DHRSX: variants seen among roughly 807,000 people sequenced by gnomAD.
DHRSX encodes polyprenol dehydrogenase.
A neutral mutation model predicts 34.0 loss-of-function variants in DHRSX; 31 were observed. That is an observed-to-expected ratio of 0.91 (90% confidence interval 0.69 to 1.23). DHRSX has a LOEUF of 1.23. DHRSX is among the 50% of genes most tolerant of loss of function. The pLI, the probability that DHRSX is intolerant of heterozygous loss-of-function variation, is 0.00. For synonymous variants in DHRSX, 201 were observed against 183.8 expected (o/e 1.09, Z -0.76); for missense variants, 414 against 428.1 (o/e 0.97, Z 0.29).
intron 1 of DHRSX, among the ~76,000 whole-genome samples, chrX:2,480,241 G>A (rs1255949664): frequency 1.3e-5 from 2 of 151,450 alleles, no homozygotes; most frequent in African/African-American, 4.8e-5. Flanking sequence ...AAGATACAAT[G>A]TGAAGTGAAA....
At chrX:2,436,951 A>G (rs1349395816) in intron 1 of DHRSX, among the ~76,000 whole-genome samples, 1 of 151,918 alleles carries the variant, frequency 6.6e-6, no homozygotes, top group Non-Finnish European at 1.5e-5. Flanking sequence ...CTCCTCCATC[A>G]AAGAGGTTCC....
At chrX:2,269,434 C>T (rs1005688000) in intron 4 of DHRSX, among the ~76,000 whole-genome samples, 11 of 152,134 alleles carry the variant, frequency 7.2e-5, no homozygotes, top group African/African-American at 2.7e-4. Context: ...TAGCATTTCT[C>T]TACTTATTTG....
rs776399338 is a variant in DHRSX at position 2,384,102 on chromosome X, A to G, written c.286+24643T>C. Among the ~76,000 whole-genome samples the G allele has an allele frequency of 1.0e-3, 156 of 152,262 alleles. 1 individual carries two copies. The highest frequency in any genetic ancestry group is 3.6e-3 in the African/African-American group (149 of 41,556). ...GGGATAGGTGTGACCTGCTGTAGGG[A>G]GTGATACCGAAAATGACGGAGTGTT... is the stretch of plus-strand genomic sequence containing the variant. On this transcript the variant is annotated intron_variant, in intron 3 of 6. Transcript: ENST00000334651.
At chrX:2,251,960 G>A (rs2016444086) in intron 5 of DHRSX, among the ~76,000 whole-genome samples, 4 of 152,114 alleles carry the variant, frequency 2.6e-5, no homozygotes, top group Non-Finnish European at 2.9e-5. Flanking sequence ...AGAATTGGCT[G>A]GGTATGGTGG....
At chrX:2,426,014 T>A (rs2043842236) in intron 1 of DHRSX, among the ~76,000 whole-genome samples, 1 of 151,974 alleles carries the variant, frequency 6.6e-6, no homozygotes. Flanking sequence ...GAGAGTGACG[T>A]GGAATATGCA....
intron 3 of DHRSX, among the ~76,000 whole-genome samples, chrX:2,387,998 C>A (rs955964647): frequency 1.2e-4 from 18 of 150,944 alleles, no homozygotes; most frequent in Non-Finnish European, 1.3e-4. Context: ...AGGAGCCTGG[C>A]TCACTCCTGA....
Position 2,425,200 on chromosome X carries a change from T to G in DHRSX, c.214A>C (p.Ile72Leu). 6.2e-7 allele frequency: 1 copy of G among 1,611,220 alleles called. No individual in the cohort carries two copies. The highest frequency in any genetic ancestry group is 1.1e-5 in the South Asian group (1 of 90,884). ...HLARLGMHVI[I>L]AGNNDSKAKQ... ...AAGTAACTGTAAAAGTCATCACCTA[T>G]GATAACATGCATGCCAAGTCTCGCC... is the stretch of plus-strand genomic sequence containing the variant. Residue 72 changes from isoleucine (I) to leucine (L), a missense_variant, in exon 2 of 7, where the codon ATA becomes CTA. Coordinates refer to ENST00000334651, the MANE Select transcript of DHRSX (RefSeq NM_145177.3).
At chrX:2,413,198 AAAAG>A (rs2043653233) in intron 2 of DHRSX, among the ~76,000 whole-genome samples, 1 of 152,206 alleles carries the variant, frequency 6.6e-6, no homozygotes, top group Admixed American at 6.6e-5. Context: ...CATCTCAAAA[AAAAG>A]AAAGAAAGAA....
intron 5 of DHRSX, among the ~76,000 whole-genome samples, chrX:2,260,936 G>A (rs531987581): frequency 2.0e-5 from 3 of 152,244 alleles, no homozygotes; most frequent in South Asian, 2.1e-4. Flanking sequence ...GTGGTCGGGT[G>A]TGGTGGCTCA....
chrX:2,446,712 T>TACACACTGAAGACGG (rs2044141946), intron 1 of DHRSX, among the ~76,000 whole-genome samples: 1 of 135,974 alleles, frequency 7.4e-6, no homozygotes, highest in African/African-American at 2.9e-5. Context: ...ACTGAAGATG[T>TACACACTGAAGACGG]TCCCTAAGAA....
chrX:2,445,018 C>G (rs778588853), intron 1 of DHRSX, among the ~76,000 whole-genome samples: 10 of 151,926 alleles, frequency 6.6e-5, no homozygotes, highest in Middle Eastern at 3.4e-3. Flanking sequence ...TTAGCTGGGC[C>G]TGGTGGCGGA....
At chrX:2,352,658 ACT>A (rs2042802130) in intron 3 of DHRSX, among the ~76,000 whole-genome samples, 1 of 152,116 alleles carries the variant, frequency 6.6e-6, no homozygotes, top group African/African-American at 2.4e-5. Flanking sequence ...CAGGGTGGAA[ACT>A]CTTTGGGGTG....
intron 1 of DHRSX, among the ~76,000 whole-genome samples, chrX:2,439,148 C>CA (rs781530860): frequency 0.19 from 19,998 of 104,032 alleles, 1,556 homozygotes; most frequent in Middle Eastern, 0.26. Context: ...TTTTTTGTCT[C>CA]AAAAAAAAAA....
intron 3 of DHRSX, among the ~76,000 whole-genome samples, chrX:2,297,201 C>T (rs1302547408): frequency 1.3e-5 from 2 of 152,254 alleles, no homozygotes; most frequent in African/African-American, 4.8e-5. Context: ...GGGCTCACTG[C>T]AGCCTCCACC....
intron 1 of DHRSX, among the ~76,000 whole-genome samples, chrX:2,440,888 G>C (rs981417910): frequency 1.3e-5 from 2 of 152,090 alleles, no homozygotes; most frequent in Non-Finnish European, 2.9e-5. Flanking sequence ...AGTCCTATTC[G>C]TTCTGTCCCT....
At position 2,372,121 on chromosome X, in the gene DHRSX, T is replaced by C. The variant is rs776875705; in HGVS notation, c.286+36624A>G. ...TTTCTTGAGGCTCGGGTTTCTTCTTTCTTTGCTACAAACTCCCAGGGCTAC... is the reference window on the plus strand; with the variant it reads ...TTTCTTGAGGCTCGGGTTTCTTCTTCCTTTGCTACAAACTCCCAGGGCTAC... On this transcript the variant is annotated intron_variant, in intron 3 of 6. Transcript: ENST00000334651. Among the ~76,000 whole-genome samples, 17 of 152,302 alleles carry C rather than the reference T, an allele frequency of 1.1e-4. No individual in the cohort carries two copies. The South Asian group carries it at 2.7e-3, about 24-fold the overall frequency.
intron 5 of DHRSX, among the ~76,000 whole-genome samples, chrX:2,246,708 G>GAAAGAAAA (rs2016297617): frequency 1.2e-5 from 1 of 82,238 alleles, no homozygotes; most frequent in African/African-American, 4.1e-5. Context: ...GAAAGAAAGA[G>GAAAGAAAA]AAAGAAAGAA....
chrX:2,259,375 GATAT>G (rs34123441), intron 5 of DHRSX, among the ~76,000 whole-genome samples: 11,260 of 133,780 alleles, frequency 0.084, 1,638 homozygotes, highest in African/African-American at 0.27. Context: ...GATATATATA[GATAT>G]ATATATAGAT....
chrX:2,404,858 G>C (rs1199483862), intron 3 of DHRSX, among the ~76,000 whole-genome samples: 12 of 152,056 alleles, frequency 7.9e-5, no homozygotes, highest in Non-Finnish European at 1.6e-4. Context: ...TCAACCCCTC[G>C]GTGTCTCTAA....
Sources: gnomAD v4.1 joint callset for allele counts (sites outside exome capture counted in the v4.1 genomes callset) on GRCh38, gnomAD v4.1.1 for gene constraint, MANE v1.5 for transcripts, NCBI Gene and HGNC (gene_info 2026-07-23, HGNC 2026-07-21) for gene names.